Variants in DOCK9 observed in about 807,000 individuals in gnomAD.
DOCK9 encodes the protein dedicator of cytokinesis 9.
DOCK9 carries 89 observed loss-of-function variants against 263.3 expected under a neutral mutation model. The observed-to-expected ratio is 0.34, with a 90% CI of 0.28 to 0.40. The LOEUF is 0.40. Among genes scored for constraint, DOCK9 ranks in the 10% least tolerant of loss-of-function variants. The pLI is 1.00. For synonymous variants in DOCK9, 976 were observed against 973.1 expected (o/e 1.00, Z -0.06); for missense variants, 2,140 against 2,603.4 (o/e 0.82, Z 3.87).
Position 98,917,634 on chromosome 13 carries a change from C to CTT in DOCK9, c.718-2133_718-2132dup, listed in dbSNP as rs138080498. Among the ~76,000 whole-genome samples the CTT allele has an allele frequency of 1.6e-3, 240 of 145,686 alleles. 7 individuals carry two copies. The South Asian group carries it at 0.044, about 27-fold the overall frequency. ...CCAAATATACTTTCATGTATTTTAC[C>CTT]TTTTTTTTTCTTTTTTTTTTTTTCG... On this transcript the variant is annotated intron_variant, in intron 7 of 52. Transcript: ENST00000682017.
chr13:98,880,119 G>A (rs1295403805), intron 26 of DOCK9, 150 bp from the exon 27 acceptor site: 9 of 614,162 alleles, frequency 1.5e-5, no homozygotes, highest in African/African-American at 9.2e-5. Flanking sequence ...CAGAGCCAAC[G>A]GTGAATGGCA....
At chr13:98,962,851 C>G (rs1567109911) in intron 1 of DOCK9, among the ~76,000 whole-genome samples, 1 of 152,064 alleles carries the variant, frequency 6.6e-6, no homozygotes, top group African/African-American at 2.4e-5. Context: ...TGGTGTGTGC[C>G]AGGGAAGACG....
At chr13:98,881,526 T>C (rs1220177991) in intron 25 of DOCK9, 32 bp downstream of exon 25, 4 of 1,554,894 alleles carry the variant, frequency 2.6e-6, no homozygotes, top group Middle Eastern at 1.7e-4. Flanking sequence ...GAGCCACAGA[T>C]GTAAGTGATC....
In DOCK9 at chr13:99,060,096, T is replaced by C. The variant is rs1393236499; in HGVS notation, c.129+26127A>G. On this transcript the variant is annotated intron_variant, in intron 1 of 32. Coordinates refer to the DOCK9 transcript ENST00000427887. ...TTTTTTTTTTTTTTTTTTTTTGAGA[T>C]GGAGTCTTACTCTGTCTCCCAGGCT... Among the ~76,000 whole-genome samples, 9 of 125,212 alleles carry C rather than the reference T, an allele frequency of 7.2e-5. 1 individual carries two copies. The East Asian group carries it at 1.9e-3, about 26-fold the overall frequency. 82.1% of individuals were successfully genotyped at this position (125,212 alleles called of 152,430 possible).
intron 1 of DOCK9, among the ~76,000 whole-genome samples, chr13:99,008,043 C>T (rs1859064213): frequency 6.6e-6 from 1 of 151,650 alleles, no homozygotes. Flanking sequence ...TTTATCACAA[C>T]ATTTATAATT....
chr13:98,992,479 TA>T (rs1880037809), intron 1 of DOCK9, among the ~76,000 whole-genome samples: 1 of 152,202 alleles, frequency 6.6e-6, no homozygotes, highest in Admixed American at 6.5e-5. Context: ...GCTCTGTGTC[TA>T]AACCCAAATC....
intron 38 of DOCK9, among the ~76,000 whole-genome samples, chr13:98,842,006 T>G (rs1181580202): frequency 6.6e-6 from 1 of 152,132 alleles, no homozygotes; most frequent in Non-Finnish European, 1.5e-5. Context: ...TATCCAATTT[T>G]AAAGATATAT....
Position 98,800,313 on chromosome 13 carries a change from T to C in DOCK9, c.5891A>G (p.Lys1964Arg). 1 of 1,608,236 alleles carries C rather than the reference T, an allele frequency of 6.2e-7. No homozygotes were observed. The highest frequency in any genetic ancestry group is 8.5e-7 in the Non-Finnish European group (1 of 1,177,326). ...CTGAACACTCACGCTGCCCTGGAGT[T>C]TGAGCTGCAGTTTGATCATGTCCAC... The part of the protein sequence containing the change: ...AEVDMIKLQL[K>R]LQGSVSVQVN... The change falls in exon 50 of 53, where the codon AAA becomes AGA. Residue 1964 changes from lysine to arginine, a missense_variant. By Grantham distance (26) the Lys-to-Arg change is conservative. This residue lies in a region of DOCK9 where 619 missense variants were observed against 861.8 expected (regional missense o/e 0.72). Transcript: ENST00000682017.
chr13:98,979,229 TAGC>T (rs1332460705), upstream of DOCK9, among the ~76,000 whole-genome samples: 79 of 125,074 alleles, frequency 6.3e-4, no homozygotes, highest in South Asian at 0.011. Context: ...GTAGTAGTAG[TAGC>T]AGCAGCGGCG....
chr13:98,902,455 T>A lies in DOCK9; in HGVS notation c.1213A>T (p.Ile405Leu). 1 of 1,614,004 alleles carries A rather than the reference T, an allele frequency of 6.2e-7. No homozygotes were observed. The highest frequency in any genetic ancestry group is 8.5e-7 in the Non-Finnish European group (1 of 1,179,882). The change falls in exon 12 of 53, where the codon ATA becomes TTA. Residue 405 changes from isoleucine (I) to leucine (L), a missense_variant. Physicochemically the swap from Ile to Leu is conservative, Grantham distance 5. Coordinates refer to ENST00000682017, the MANE Select transcript of DOCK9 (RefSeq NM_001366683.2). ...PFFVTLSLFD[I>L]KYNRKISADF... Reference sequence around the variant, plus strand: ...GCAGAAATCTTCCGGTTGTATTTTATGTCAAACAGGGATAGAGTAACAAAG... The same window carrying A: ...GCAGAAATCTTCCGGTTGTATTTTAAGTCAAACAGGGATAGAGTAACAAAG...
rs770915427 is a variant in DOCK9, at chr13:98,930,154, G to C, written c.333+14C>G. ...TGACTTCAAAATGTAAATTAATGCA[G>C]GAAAGAGCCTTACCTCTGTAACAAA... On this transcript the variant is annotated intron_variant, in intron 3 of 52. Coordinates refer to ENST00000682017, the MANE Select transcript of DOCK9 (RefSeq NM_001366683.2). 1.7e-5 allele frequency: 27 copies of C among 1,600,994 alleles called. No individual in the cohort carries two copies. The highest frequency in any genetic ancestry group is 2.3e-5 in the Non-Finnish European group (27 of 1,173,182).
chr13:98,860,762 A>C (rs949678872), intron 32 of DOCK9, among the ~76,000 whole-genome samples: 1 of 152,038 alleles, frequency 6.6e-6, no homozygotes, highest in Non-Finnish European at 1.5e-5. Context: ...ATCACGTTCC[A>C]TAAAGTCTTG....
intron 1 of DOCK9, among the ~76,000 whole-genome samples, chr13:98,972,591 C>T (rs77309969): frequency 0.026 from 3,953 of 152,254 alleles, 63 homozygotes; most frequent in Non-Finnish European, 0.032. Context: ...TTCCACCGAC[C>T]GCTCCACAAA....
In DOCK9 at chr13:98,798,991, T is replaced by G. The variant is rs182641041; in HGVS notation, c.5916+1297A>C. 1.6e-3 allele frequency among the ~76,000 whole-genome samples: 249 copies of G among 152,354 alleles called. 1 individual carries two copies. The Middle Eastern group carries it at 0.02, about 12-fold the overall frequency. On this transcript the variant is annotated intron_variant, in intron 50 of 52. Transcript: ENST00000682017. ...AGGGGCTGGATGTTCCAAGATCATG[T>G]TGATTGAGTGGTTTTGTTTTTAGCT...
intron 1 of DOCK9, among the ~76,000 whole-genome samples, chr13:99,077,774 C>CCTGCCACATTCAAGATGGGGG (rs1185074387): frequency 1.3e-5 from 2 of 152,202 alleles, no homozygotes; most frequent in Non-Finnish European, 2.9e-5. Flanking sequence ...GCCACACAGA[C>CCTGCCACATTCAAGATGGGGG]CTGCCACATT....
chr13:99,006,477 G>A (rs1047715624), intron 1 of DOCK9, among the ~76,000 whole-genome samples: 3 of 152,152 alleles, frequency 2.0e-5, no homozygotes, highest in Admixed American at 6.5e-5. Flanking sequence ...ATAAATTCCC[G>A]TACATATATT....
At position 98,961,990 on chromosome 13, in the gene DOCK9, A is replaced by T. The variant is rs375291213; in HGVS notation, c.127-6439T>A. 1.6e-3 allele frequency among the ~76,000 whole-genome samples: 240 copies of T among 152,372 alleles called. 9 individuals carry two copies. The South Asian group carries it at 0.047, about 30-fold the overall frequency. The stretch of plus-strand genomic sequence containing the variant: ...CCAAACTGCATTGCTCATGTACAAA[A>T]GAAACCTCACAGAAGCTTTTCCAAT... On this transcript the variant is annotated intron_variant, in intron 1 of 52. Transcript: ENST00000682017.
chr13:98,808,638 A>T, intron 47 of DOCK9: 1 of 1,580,496 alleles, frequency 6.3e-7, no homozygotes. Context: ...TACTGTAATT[A>T]CCTCCACATC....
chr13:98,914,454 C>T, intron 8 of DOCK9, 59 bp from the exon 9 acceptor site: 2 of 1,492,168 alleles, frequency 1.3e-6, no homozygotes, highest in Non-Finnish European at 1.8e-6. Context: ...TCATTTGAAA[C>T]AGGAGGAGGA....
Sources: allele counts gnomAD v4.1 joint callset (sites outside exome capture counted in the v4.1 genomes callset), GRCh38; gene constraint gnomAD v4.1.1; regional missense constraint gnomAD v4.1.1; transcripts MANE v1.5; gene names NCBI Gene and HGNC (gene_info 2026-07-23, HGNC 2026-07-21).